The following P4HA1 variants were observed in gnomAD, a reference collection of about 807,000 sequenced individuals.
P4HA1 encodes prolyl 4-hydroxylase subunit alpha 1.
A neutral mutation model predicts 72.8 loss-of-function variants in P4HA1; 24 were observed. That is an observed-to-expected ratio of 0.33 (90% CI 0.24 to 0.46). P4HA1 has a LOEUF of 0.46. Ranked by LOEUF, P4HA1 falls within the 20% of genes least tolerant of loss-of-function variation. The probability of loss-of-function intolerance (pLI) is 1.00; values close to 1 mark genes in which losing one functional copy is unlikely to be tolerated. For missense variants in P4HA1, 446 were observed against 640.6 expected, an observed-to-expected ratio of 0.70 and a Z score of 3.28; for synonymous variants, 201 against 218.8, an observed-to-expected ratio of 0.92 and a Z score of 0.72.
chr10:73,041,548 C>CAA (rs774231072), intron 9 of P4HA1, among the ~76,000 whole-genome samples: 9 of 110,336 alleles, frequency 8.2e-5, no homozygotes, highest in East Asian at 5.0e-4. Context: ...ATCCCCCCCC[C>CAA]AAAAAAAAAA....
At position 73,051,227 on chromosome 10, in the gene P4HA1, A is replaced by G. The variant is rs199830733; in HGVS notation, c.726T>C (p.Asn242=). 2 of 1,593,044 alleles carry G rather than the reference A, an allele frequency of 1.3e-6. No homozygotes were observed. The highest frequency in any genetic ancestry group is 1.3e-5 in the African/African-American group (1 of 74,350). ...TATACTCAAAATATTTTAAGTTACC[A>G]TTAGCTCTCTGATGTTCAGGATCTA... ...LELDPEHQRA[N]GNLKYFEYIM... Residue 242 remains asparagine (N), a synonymous_variant, in exon 7 of 15, where the codon AAT becomes AAC. Coordinates refer to ENST00000394890, the MANE Select transcript of P4HA1 (RefSeq NM_001017962.3).
intron 3 of P4HA1, among the ~76,000 whole-genome samples, chr10:73,073,405 G>C (rs1841613255): frequency 6.6e-6 from 1 of 151,746 alleles, no homozygotes; most frequent in Admixed American, 6.6e-5. Flanking sequence ...GTTTTTAGTA[G>C]AGACAGGGTT....
intron 11 of P4HA1, among the ~76,000 whole-genome samples, chr10:73,014,514 C>T (rs1335976639): frequency 6.6e-6 from 1 of 152,148 alleles, no homozygotes; most frequent in East Asian, 1.9e-4. Flanking sequence ...CTCAAGCGAT[C>T]CTCCTGCCTT....
chr10:73,009,975 T>TC (rs1168701409), intron 13 of P4HA1, 72 bp from the exon 14 acceptor site: 1 of 809,942 alleles, frequency 1.2e-6, no homozygotes, highest in Non-Finnish European at 2.0e-6. Context: ...TTATTACTTT[T>TC]TTTTTTTTTT....
At chr10:73,049,753 C>T (rs1238145411) in intron 7 of P4HA1, among the ~76,000 whole-genome samples, 1 of 152,124 alleles carries the variant, frequency 6.6e-6, no homozygotes, top group South Asian at 2.1e-4. Context: ...CAGACTAAAG[C>T]ATTTCACTAA....
At chr10:73,079,540 G>A (rs546642125) in intron 1 of P4HA1, among the ~76,000 whole-genome samples, 1 of 152,256 alleles carries the variant, frequency 6.6e-6, no homozygotes, top group African/African-American at 2.4e-5. Context: ...TGAGGAGTTC[G>A]AAACCAGCCT....
intron 7 of P4HA1, among the ~76,000 whole-genome samples, chr10:73,049,929 C>T (rs1272880461): frequency 1.3e-5 from 2 of 151,914 alleles, no homozygotes; most frequent in Non-Finnish European, 2.9e-5. Context: ...TTTAGGAGGC[C>T]GAGGCGGGAG....
intron 7 of P4HA1, among the ~76,000 whole-genome samples, chr10:73,050,113 C>T (rs1217539278): frequency 6.6e-6 from 1 of 151,458 alleles, no homozygotes; most frequent in Non-Finnish European, 1.5e-5. Flanking sequence ...TTGCAGTGAG[C>T]CGAGACTGCG....
chr10:73,085,079 T>C (rs904070764), intron 1 of P4HA1, among the ~76,000 whole-genome samples: 1 of 152,068 alleles, frequency 6.6e-6, no homozygotes, highest in African/African-American at 2.4e-5. Flanking sequence ...AGGCAGAGGG[T>C]ACTATAAGCC....
chr10:73,032,784 G>A (rs895267465), intron 9 of P4HA1, among the ~76,000 whole-genome samples: 1 of 152,192 alleles, frequency 6.6e-6, no homozygotes, highest in Admixed American at 6.5e-5. Context: ...AAGCGTAAGA[G>A]AGAGAGCAAG....
chr10:73,018,939 G>A (rs1840071294), intron 10 of P4HA1, among the ~76,000 whole-genome samples: 1 of 152,026 alleles, frequency 6.6e-6, no homozygotes, highest in South Asian at 2.1e-4. Context: ...ACAATAGTAT[G>A]CAAGACCCTG....
chr10:73,087,509 A>G (rs989946242), intron 1 of P4HA1, among the ~76,000 whole-genome samples: 5 of 151,890 alleles, frequency 3.3e-5, no homozygotes, highest in African/African-American at 9.7e-5. Flanking sequence ...CAGATGGTCC[A>G]CCCACCTCAG....
chr10:73,070,207 G>A (rs914643296), intron 4 of P4HA1, among the ~76,000 whole-genome samples: 1 of 131,942 alleles, frequency 7.6e-6, no homozygotes, highest in Non-Finnish European at 1.5e-5. Context: ...ACCCAGGCTG[G>A]AATGCAGCAG....
intron 9 of P4HA1, among the ~76,000 whole-genome samples, chr10:73,041,996 C>G (rs555928527): frequency 6.6e-6 from 1 of 150,938 alleles, no homozygotes; most frequent in South Asian, 2.2e-4. Context: ...CAGGTACATG[C>G]CACCACACCT....
chr10:73,066,725 T>C (rs1175153448), intron 5 of P4HA1, among the ~76,000 whole-genome samples: 2 of 152,048 alleles, frequency 1.3e-5, no homozygotes, highest in African/African-American at 4.8e-5. Context: ...GATAACTGCA[T>C]CATGGGGGCA....
chr10:73,071,451 C>T lies in P4HA1; in HGVS notation c.325+578G>A, dbSNP rs77459671. ...TCTTGGCGGGGCAGGGCAGGGGCGGCGGGGGGCGAGGCATAATCCCTTTAC... is the reference window on the plus strand; with the variant it reads ...TCTTGGCGGGGCAGGGCAGGGGCGGTGGGGGGCGAGGCATAATCCCTTTAC... On this transcript the variant is annotated intron_variant, in intron 4 of 14. Coordinates refer to ENST00000394890, the MANE Select transcript of P4HA1 (RefSeq NM_001017962.3). 1,515 of 151,808 alleles carry T rather than the reference C, an allele frequency of 1.0e-2. 20 individuals carry two copies. Among genetic ancestry groups the T allele is most frequent in the Non-Finnish European group, 0.012 (818 of 67,960 alleles). 9.4% of individuals were successfully genotyped at this position (151,808 alleles called of 1,614,324 possible).
Position 73,043,951 on chromosome 10 carries a change from G to A in P4HA1, c.1148+1030C>T, listed in dbSNP as rs755867852. 20 of 1,610,632 alleles carry A rather than the reference G, an allele frequency of 1.2e-5. No homozygotes were observed. The highest frequency in any genetic ancestry group is 6.7e-5 in the Admixed American group (4 of 59,612). On this transcript the variant is annotated intron_variant, in intron 9 of 14. Transcript: ENST00000394890. ...GTCTCAGGGTCATGTACTGTAGCTCGGCTCAGCTACAAAAAAAGAGAAAGG... is the reference window on the plus strand; with the variant it reads ...GTCTCAGGGTCATGTACTGTAGCTCAGCTCAGCTACAAAAAAAGAGAAAGG...
rs1268710798 is a variant in P4HA1, at chr10:73,053,578, TTG to T, written c.474_475del (p.His158GlnfsTer7). On this transcript the variant is annotated frameshift_variant, in exon 6 of 15. Coordinates refer to ENST00000394890, the MANE Select transcript of P4HA1 (RefSeq NM_001017962.3). LOFTEE classifies it high-confidence loss of function. ...GCAGTCCTCAGCCGTTAGAAAAGATTTGTGTTTCACTCCTATGAAAAGAAAAT... is the reference window on the plus strand; with the variant it reads ...GCAGTCCTCAGCCGTTAGAAAAGATTTGTTTCACTCCTATGAAAAGAAAAT... 1 of 1,613,818 alleles carries T rather than the reference TTG, an allele frequency of 6.2e-7. No homozygotes were observed.
chr10:73,031,038 T>C (rs1840421747), intron 9 of P4HA1, among the ~76,000 whole-genome samples: 3 of 151,502 alleles, frequency 2.0e-5, no homozygotes, highest in African/African-American at 7.3e-5. Context: ...AATTAAATCT[T>C]ATGTCCATAC....
Sources: allele counts gnomAD v4.1 joint callset (sites outside exome capture counted in the v4.1 genomes callset), GRCh38; gene constraint gnomAD v4.1.1; transcripts MANE v1.5; gene names NCBI Gene and HGNC (gene_info 2026-07-23, HGNC 2026-07-21).